Variants in KCNIP1 observed in about 807,000 individuals in gnomAD.
KCNIP1 encodes A-type potassium channel modulatory protein KCNIP1.
Under a neutral mutation model 33.0 loss-of-function variants are expected in KCNIP1, and 18 were observed. The observed-to-expected ratio is 0.55, with a 90% CI of 0.38 to 0.81. The LOEUF is 0.81. Among genes scored for constraint, KCNIP1 ranks in the 30% least tolerant of loss-of-function variants. KCNIP1 has a pLI of 0.00. For missense variants in KCNIP1, 238 were observed against 271.6 expected (o/e 0.88, Z 0.87); for synonymous variants, 93 against 98.3 (o/e 0.95, Z 0.32).
At chr5:170,380,622 G>A (rs1764201731) in intron 1 of KCNIP1, among the ~76,000 whole-genome samples, 1 of 152,348 alleles carries the variant, frequency 6.6e-6, no homozygotes, top group Admixed American at 6.5e-5. Context: ...AGCTGAGGCT[G>A]GGGAGACGCT....
intron 1 of KCNIP1, among the ~76,000 whole-genome samples, chr5:170,665,467 A>G (rs76563904): frequency 6.6e-6 from 1 of 152,294 alleles, no homozygotes; most frequent in East Asian, 1.9e-4. Flanking sequence ...TAGCTTTTCA[A>G]AACAAACTCT....
chr5:170,606,498 ATGAC>A (rs1235071330), intron 1 of KCNIP1, among the ~76,000 whole-genome samples: 5 of 152,168 alleles, frequency 3.3e-5, no homozygotes, highest in Non-Finnish European at 7.3e-5. Context: ...AAATGATTAA[ATGAC>A]TGATAGCCTT....
chr5:170,698,135 C>G (rs1762962274), intron 1 of KCNIP1, among the ~76,000 whole-genome samples: 2 of 152,114 alleles, frequency 1.3e-5, no homozygotes, highest in Non-Finnish European at 2.9e-5. Context: ...AAGAGGGGGC[C>G]AGAAAACCGC....
chr5:170,411,313 T>C (rs1755182391), intron 1 of KCNIP1, among the ~76,000 whole-genome samples: 1 of 152,238 alleles, frequency 6.6e-6, no homozygotes, highest in Admixed American at 6.5e-5. Context: ...TTCAAAGATA[T>C]GAGGGGACTT....
chr5:170,676,637 G>T (rs1291861564), intron 1 of KCNIP1, among the ~76,000 whole-genome samples: 2 of 152,172 alleles, frequency 1.3e-5, no homozygotes, highest in Admixed American at 6.6e-5. Context: ...ACCTTACCAG[G>T]AGAACCACTC....
At chr5:170,492,541 C>T (rs1408308388) in intron 1 of KCNIP1, among the ~76,000 whole-genome samples, 1 of 152,158 alleles carries the variant, frequency 6.6e-6, no homozygotes, top group Non-Finnish European at 1.5e-5. Flanking sequence ...CAGCCTCTTC[C>T]TTCTCTCCAG....
At chr5:170,597,479 C>T (rs1236722346) in intron 1 of KCNIP1, among the ~76,000 whole-genome samples, 5 of 152,080 alleles carry the variant, frequency 3.3e-5, no homozygotes, top group East Asian at 1.9e-4. Context: ...CACCCACCCC[C>T]GCACACACAT....
intron 1 of KCNIP1, among the ~76,000 whole-genome samples, chr5:170,522,523 C>A (rs1755400729): frequency 6.6e-6 from 1 of 152,274 alleles, no homozygotes; most frequent in African/African-American, 2.4e-5. Flanking sequence ...GAGTATTCGC[C>A]TGACAGATGA....
At chr5:170,720,221 C>T (rs1378822298) in intron 2 of KCNIP1, 100 bp from the exon 3 acceptor site, 2 of 814,042 alleles carry the variant, frequency 2.5e-6, no homozygotes, top group South Asian at 2.9e-5. Flanking sequence ...GGTCCCTGTC[C>T]CTGGGGATCA....
chr5:170,353,683 G>T (rs948772285), exon 1 of KCNIP1: 1 of 607,724 alleles, frequency 1.6e-6, no homozygotes, highest in Non-Finnish European at 2.9e-6. Flanking sequence ...GGGAGAGTTT[G>T]CCCTGCAGGC....
intron 1 of KCNIP1, among the ~76,000 whole-genome samples, chr5:170,521,070 C>T (rs1180106065): frequency 6.6e-6 from 1 of 152,170 alleles, no homozygotes; most frequent in Non-Finnish European, 1.5e-5. Context: ...ACAGTGTGAG[C>T]CCATGGGTCT....
At chr5:170,520,885 C>G (rs1755339539) in intron 1 of KCNIP1, among the ~76,000 whole-genome samples, 1 of 152,212 alleles carries the variant, frequency 6.6e-6, no homozygotes, top group African/African-American at 2.4e-5. Flanking sequence ...TTCTGCCTTT[C>G]TCGGGCGTGT....
At chr5:170,647,796 A>T (rs1760847043) in intron 1 of KCNIP1, among the ~76,000 whole-genome samples, 1 of 152,206 alleles carries the variant, frequency 6.6e-6, no homozygotes, top group Admixed American at 6.5e-5. Context: ...TTAAAATTTA[A>T]ACCTCTGCCC....
At chr5:170,573,050 G>A (rs1202746182) in intron 1 of KCNIP1, among the ~76,000 whole-genome samples, 2 of 152,236 alleles carry the variant, frequency 1.3e-5, no homozygotes, top group East Asian at 1.9e-4. Flanking sequence ...GCAGAGCAGA[G>A]GGGCCAGTCC....
intron 1 of KCNIP1, among the ~76,000 whole-genome samples, chr5:170,395,241 T>G (rs1282383100): frequency 6.6e-6 from 1 of 152,254 alleles, no homozygotes; most frequent in Admixed American, 6.5e-5. Context: ...CCCTTTTCTC[T>G]GCAGCCTTGC....
chr5:170,718,420 C>T (rs994225483), intron 1 of KCNIP1, among the ~76,000 whole-genome samples: 2 of 152,166 alleles, frequency 1.3e-5, no homozygotes, highest in African/African-American at 4.8e-5. Flanking sequence ...CTGGAATATT[C>T]AGAAGGTTCC....
At chr5:170,359,462 T>A (rs1159013563) in intron 1 of KCNIP1, among the ~76,000 whole-genome samples, 1 of 152,158 alleles carries the variant, frequency 6.6e-6, no homozygotes, top group African/African-American at 2.4e-5. Flanking sequence ...TGCCCCTTGC[T>A]GGGGAAAGAG....
chr5:170,553,199 C>T (rs546164240), intron 1 of KCNIP1, among the ~76,000 whole-genome samples: 34 of 152,340 alleles, frequency 2.2e-4, no homozygotes, highest in African/African-American at 7.5e-4. Context: ...ACACCTCTGT[C>T]GAATCATAAA....
intron 1 of KCNIP1, among the ~76,000 whole-genome samples, chr5:170,578,921 C>T (rs1478794558): frequency 6.6e-6 from 1 of 151,944 alleles, no homozygotes; most frequent in Non-Finnish European, 1.5e-5. Context: ...GAGGGAGGGC[C>T]CTGAGGTGGG....
Sources: allele counts gnomAD v4.1 joint callset (sites outside exome capture counted in the v4.1 genomes callset), GRCh38; gene constraint gnomAD v4.1.1; transcripts MANE v1.5; gene names NCBI Gene and HGNC (gene_info 2026-07-23, HGNC 2026-07-21).